Variants in PCYT1B observed in about 807,000 individuals in gnomAD.
PCYT1B encodes phosphate cytidylyltransferase 1B, choline, also known as choline-phosphate cytidylyltransferase B.
Under a neutral mutation model 26.4 loss-of-function variants are expected in PCYT1B, and 10 were observed. That is an observed-to-expected ratio of 0.38 (90% confidence interval 0.23 to 0.64). The LOEUF (loss-of-function observed/expected upper bound fraction) is 0.64, where lower values mean the gene tolerates loss of function less well. Among genes scored for constraint, PCYT1B ranks in the 30% least tolerant of loss-of-function variants. PCYT1B has a pLI of 0.56. For synonymous variants in PCYT1B, 131 were observed against 108.4 expected (o/e 1.21, Z -1.29); for missense variants, 161 against 292.7 (o/e 0.55, Z 3.28).
At chrX:24,622,213 G>A (rs1232813120) in intron 1 of PCYT1B, among the ~76,000 whole-genome samples, 1 of 111,906 alleles carries the variant, frequency 8.9e-6, no homozygotes, top group Non-Finnish European at 1.9e-5. Context: ...GCTTTCTAAA[G>A]CACAGCAGGG....
intron 1 of PCYT1B, among the ~76,000 whole-genome samples, chrX:24,668,221 A>C (rs917532480): frequency 8.9e-6 from 1 of 111,988 alleles, no homozygotes; most frequent in Non-Finnish European, 1.9e-5. Flanking sequence ...GGAAGGCAGC[A>C]TGTTTGCCAC....
At chrX:24,611,281 T>TA (rs888264493) in intron 2 of PCYT1B, among the ~76,000 whole-genome samples, 343 of 109,835 alleles carry the variant, frequency 3.1e-3, no homozygotes, top group African/African-American at 9.8e-3. Flanking sequence ...AATAAAGCTT[T>TA]AAAAAAAAAC....
intron 1 of PCYT1B, among the ~76,000 whole-genome samples, chrX:24,656,228 G>GC (rs1428696418): frequency 3.2e-5 from 2 of 63,305 alleles, no homozygotes; most frequent in African/African-American, 1.2e-4. Context: ...GCAGGGGGTC[G>GC]CGGGGGGGGG....
intron 7 of PCYT1B, among the ~76,000 whole-genome samples, chrX:24,571,939 C>A (rs1052743288): frequency 9.0e-5 from 10 of 110,770 alleles, no homozygotes; most frequent in Non-Finnish European, 1.7e-4. Flanking sequence ...CAGAGTGAGA[C>A]CCTGCTTTAA....
At chrX:24,615,035 G>A (rs1023217358) in intron 2 of PCYT1B, among the ~76,000 whole-genome samples, 1 of 111,868 alleles carries the variant, frequency 8.9e-6, no homozygotes, top group African/African-American at 3.2e-5. Context: ...GGCCAGGCTG[G>A]TCTTGAACTC....
intron 7 of PCYT1B, among the ~76,000 whole-genome samples, chrX:24,565,083 C>T (rs1291701712): frequency 9.1e-6 from 1 of 110,078 alleles, no homozygotes. Flanking sequence ...CAGAATTGAG[C>T]CCTTCCCTGA....
At chrX:24,598,320 T>A (rs961597951) in intron 3 of PCYT1B, among the ~76,000 whole-genome samples, 5 of 111,873 alleles carry the variant, frequency 4.5e-5, no homozygotes, top group Non-Finnish European at 9.4e-5. Context: ...AATAAAATTA[T>A]TATCTGCCTC....
intron 2 of PCYT1B, among the ~76,000 whole-genome samples, chrX:24,610,758 G>A (rs1226649207): frequency 1.8e-5 from 2 of 111,490 alleles, no homozygotes; most frequent in African/African-American, 6.5e-5. Context: ...TTTCCAGACT[G>A]TGGGAAATTC....
intron 7 of PCYT1B, among the ~76,000 whole-genome samples, chrX:24,574,823 G>A (rs775466974): frequency 6.7e-4 from 75 of 112,354 alleles, no homozygotes; most frequent in Middle Eastern, 4.6e-3. Flanking sequence ...CTGGGAGACT[G>A]AGATGAGCGA....
At position 24,558,784 on chromosome X, in the gene PCYT1B, C is replaced by T. The variant is rs1923258830; in HGVS notation, c.*3509G>A. 1 of 109,777 alleles carries T rather than the reference C, an allele frequency of 9.1e-6. No homozygotes were observed. Among genetic ancestry groups the T allele is most frequent in the Admixed American group, 9.9e-5 (1 of 10,098 alleles). The allele number at this position is 109,777 out of a possible 1,213,427, so 9.0% of individuals were successfully genotyped here. On this transcript the variant is annotated 3_prime_UTR_variant, in exon 8 of 8. Coordinates refer to ENST00000379144, the MANE Select transcript of PCYT1B (RefSeq NM_004845.5). ...TCCTGACACACAGGAGCATGCTTGC[C>T]AGAAGCAAGTCGTTCAGTGTGACTT... is the stretch of plus-strand genomic sequence containing the variant.
chrX:24,672,777 C>T, upstream of PCYT1B: 1 of 453,174 alleles, frequency 2.2e-6, no homozygotes, highest in East Asian at 3.6e-5. Flanking sequence ...CTCGGAGGAG[C>T]TCGGAGTGTC....
At chrX:24,584,832 C>T (rs749291268) in intron 5 of PCYT1B, among the ~76,000 whole-genome samples, 1 of 111,705 alleles carries the variant, frequency 9.0e-6, no homozygotes, top group African/African-American at 3.2e-5. Context: ...GTTCAGCCTT[C>T]AACTTCTAAA....
At chrX:24,621,911 G>A (rs189600390) in intron 1 of PCYT1B, 6 of 521,251 alleles carry the variant, frequency 1.2e-5, no homozygotes, top group South Asian at 1.0e-4. Context: ...GATAGGGAAC[G>A]TTGTAAAGCA....
chrX:24,632,515 A>G (rs1410674439), intron 1 of PCYT1B: 1 of 133,242 alleles, frequency 7.5e-6, no homozygotes, highest in East Asian at 2.0e-4. Flanking sequence ...AGATCCATAC[A>G]GCTTGTGCCT....
At chrX:24,656,269 T>A (rs1468539194) in intron 1 of PCYT1B, among the ~76,000 whole-genome samples, 7 of 104,702 alleles carry the variant, frequency 6.7e-5, no homozygotes, top group Non-Finnish European at 1.4e-4. Context: ...TGAAAGTGCT[T>A]TGTTTTATTA....
At chrX:24,604,181 G>C (rs1236074807) in intron 3 of PCYT1B, among the ~76,000 whole-genome samples, 1 of 109,832 alleles carries the variant, frequency 9.1e-6, no homozygotes, top group Non-Finnish European at 1.9e-5. Context: ...CCGCCTCCCA[G>C]GTTCAAGCAA....
Position 24,596,591 on chromosome X carries a change from C to CA in PCYT1B, c.335-6418dup, listed in dbSNP as rs1160915316. ...TGGGCAACAGAGTGAGACTCCATCTCAAAAAAAAAAAAAAAAAGTGCTGGT... is the reference window on the plus strand; with the variant it reads ...TGGGCAACAGAGTGAGACTCCATCTCAAAAAAAAAAAAAAAAAAGTGCTGGT... On this transcript the variant is annotated intron_variant, in intron 3 of 7. Transcript: ENST00000379144. Among the ~76,000 whole-genome samples, 450 of 53,021 alleles carry CA rather than the reference C, an allele frequency of 8.5e-3. 1 individual carries two copies. The highest frequency in any genetic ancestry group is 0.023 in the Middle Eastern group (2 of 88). The allele number at this position is 53,021 out of a possible 115,157, so 46.0% of individuals were successfully genotyped here. A position where few individuals can be genotyped will look rare whatever the true frequency, so the allele number is the denominator to read the frequency against.
intron 5 of PCYT1B, among the ~76,000 whole-genome samples, chrX:24,584,101 G>A (rs1338892076): frequency 2.7e-5 from 3 of 111,658 alleles, no homozygotes; most frequent in Non-Finnish European, 3.8e-5. Context: ...TTGGGAGGCC[G>A]AGGTGGGAGG....
intron 5 of PCYT1B, among the ~76,000 whole-genome samples, chrX:24,586,326 C>T (rs763223622): frequency 8.9e-6 from 1 of 112,706 alleles, no homozygotes; most frequent in Non-Finnish European, 1.9e-5. Flanking sequence ...ATCAGTTCTG[C>T]CAGGAGCTGG....
Sources: allele counts gnomAD v4.1 joint callset (sites outside exome capture counted in the v4.1 genomes callset), GRCh38; gene constraint gnomAD v4.1.1; transcripts MANE v1.5; gene names NCBI Gene and HGNC (gene_info 2026-07-23, HGNC 2026-07-21).